The following DACH1 variants were observed in gnomAD, a reference collection of about 807,000 sequenced individuals.
DACH1 encodes dachshund family transcription factor 1, also known as dachshund homolog 1.
In DACH1, 12 loss-of-function variants were observed where a neutral mutation model predicts 54.2. The observed-to-expected ratio is 0.22, with a 90% CI of 0.14 to 0.36. The LOEUF (loss-of-function observed/expected upper bound fraction) is 0.36, where lower values mean the gene tolerates loss of function less well. Ranked by LOEUF, DACH1 falls within the 10% of genes least tolerant of loss-of-function variation. The probability of loss-of-function intolerance (pLI) is 1.00; values close to 1 mark genes in which losing one functional copy is unlikely to be tolerated. For synonymous variants in DACH1, 386 were observed against 366.2 expected (o/e 1.05, Z -0.62); for missense variants, 805 against 929.8 (o/e 0.87, Z 1.75).
intron 6 of DACH1, among the ~76,000 whole-genome samples, chr13:71,493,406 C>T (rs1879152692): frequency 6.6e-6 from 1 of 152,070 alleles, no homozygotes; most frequent in East Asian, 1.9e-4. Flanking sequence ...TGATTGCAAT[C>T]CCATGAGACC....
At chr13:71,557,277 G>T in intron 5 of DACH1, 119 bp from the exon 6 acceptor site, 2 of 679,718 alleles carry the variant, frequency 2.9e-6, no homozygotes, top group Non-Finnish European at 4.2e-6. Context: ...TTAATATAAT[G>T]GTCTACCTTT....
At chr13:71,795,424 A>T (rs1461597817) in intron 1 of DACH1, among the ~76,000 whole-genome samples, 1 of 152,006 alleles carries the variant, frequency 6.6e-6, no homozygotes, top group East Asian at 1.9e-4. Context: ...AAACATCATG[A>T]CCTGGTCCAA....
intron 1 of DACH1, among the ~76,000 whole-genome samples, chr13:71,801,305 G>C (rs1453088152): frequency 6.6e-6 from 1 of 152,056 alleles, no homozygotes; most frequent in Non-Finnish European, 1.5e-5. Context: ...TCAGAGTTTA[G>C]TACCTACTAA....
intron 3 of DACH1, among the ~76,000 whole-genome samples, chr13:71,610,152 G>A (rs1875207816): frequency 6.6e-6 from 1 of 151,852 alleles, no homozygotes; most frequent in South Asian, 2.1e-4. Flanking sequence ...GAATTTCCAA[G>A]TGGGAAAGAT....
chr13:71,541,930 T>G (rs967170843), intron 6 of DACH1, among the ~76,000 whole-genome samples: 3 of 145,000 alleles, frequency 2.1e-5, no homozygotes, highest in Non-Finnish European at 3.0e-5. Context: ...GCCCAGTTTT[T>G]TTTTTTTTTT....
At chr13:71,613,609 GAGGAA>G (rs1391334715) in intron 3 of DACH1, among the ~76,000 whole-genome samples, 1 of 152,174 alleles carries the variant, frequency 6.6e-6, no homozygotes, top group Non-Finnish European at 1.5e-5. Context: ...GCAGTGCAAA[GAGGAA>G]TTTGAATCCT....
chr13:71,513,882 C>T (rs1427875161), intron 6 of DACH1, among the ~76,000 whole-genome samples: 2 of 152,078 alleles, frequency 1.3e-5, no homozygotes, highest in African/African-American at 4.8e-5. Flanking sequence ...AGTCCATAGG[C>T]TGCCCAGGCC....
chr13:71,595,395 A>G (rs1874024283), intron 3 of DACH1, among the ~76,000 whole-genome samples: 1 of 152,168 alleles, frequency 6.6e-6, no homozygotes. Flanking sequence ...CTGATTTGAC[A>G]TTTGTATTTA....
chr13:71,661,723 C>T (rs1879501546), intron 2 of DACH1, among the ~76,000 whole-genome samples: 3 of 151,984 alleles, frequency 2.0e-5, no homozygotes, highest in Admixed American at 2.0e-4. Flanking sequence ...ATAACATTAT[C>T]CTAAATGTAA....
intron 3 of DACH1, among the ~76,000 whole-genome samples, chr13:71,615,782 G>A (rs765891720): frequency 6.6e-6 from 1 of 152,064 alleles, no homozygotes; most frequent in African/African-American, 2.4e-5. Flanking sequence ...TGAGACTCTG[G>A]GAATACTGGA....
intron 1 of DACH1, among the ~76,000 whole-genome samples, chr13:71,825,048 T>C (rs1305339918): frequency 6.6e-6 from 1 of 152,036 alleles, no homozygotes; most frequent in Non-Finnish European, 1.5e-5. Context: ...ACTTGGAAGG[T>C]AAGAGAGCTA....
intron 6 of DACH1, among the ~76,000 whole-genome samples, chr13:71,527,386 T>A (rs192663535): frequency 2.6e-5 from 4 of 152,268 alleles, no homozygotes; most frequent in Admixed American, 1.3e-4. Flanking sequence ...GTCATTTCCT[T>A]CTTTGCGTTG....
At chr13:71,696,068 T>C (rs1881816102) in intron 1 of DACH1, among the ~76,000 whole-genome samples, 3 of 152,200 alleles carry the variant, frequency 2.0e-5, no homozygotes, top group East Asian at 1.9e-4. Flanking sequence ...CAATGAGATC[T>C]AGGGAGGGGC....
chr13:71,720,174 T>C (rs1488673333), intron 1 of DACH1, among the ~76,000 whole-genome samples: 1 of 152,132 alleles, frequency 6.6e-6, no homozygotes, highest in Non-Finnish European at 1.5e-5. Flanking sequence ...GCAAATGGAC[T>C]AGTGAGTGCA....
intron 1 of DACH1, among the ~76,000 whole-genome samples, chr13:71,814,604 C>T (rs1887838830): frequency 6.6e-6 from 1 of 152,080 alleles, no homozygotes; most frequent in Non-Finnish European, 1.5e-5. Flanking sequence ...TAAATCAATG[C>T]AATTAAGAAT....
At chr13:71,730,273 G>A (rs1308936618) in intron 1 of DACH1, among the ~76,000 whole-genome samples, 1 of 152,032 alleles carries the variant, frequency 6.6e-6, no homozygotes, top group Non-Finnish European at 1.5e-5. Flanking sequence ...AAGAAAGGCA[G>A]AAGTCATTAC....
chr13:71,523,309 T>C (rs965880457), intron 6 of DACH1, among the ~76,000 whole-genome samples: 4 of 152,288 alleles, frequency 2.6e-5, no homozygotes, highest in Admixed American at 6.5e-5. Flanking sequence ...CAGCTACAAC[T>C]GAAGTCCTTG....
intron 6 of DACH1, among the ~76,000 whole-genome samples, chr13:71,535,588 G>GCGCATTT (rs976158195): frequency 1.3e-5 from 2 of 151,684 alleles, no homozygotes; most frequent in Non-Finnish European, 2.9e-5. Flanking sequence ...ATAAAGTCAG[G>GCGCATTT]CGCATTTTTT....
chr13:71,585,895 T>G (rs1349159608), intron 3 of DACH1, among the ~76,000 whole-genome samples: 3 of 151,924 alleles, frequency 2.0e-5, no homozygotes, highest in Non-Finnish European at 2.9e-5. Flanking sequence ...CACTGGAAAA[T>G]TGATAAAATA....
Sources: allele counts gnomAD v4.1 joint callset (sites outside exome capture counted in the v4.1 genomes callset), GRCh38; gene constraint gnomAD v4.1.1; transcripts MANE v1.5; gene names NCBI Gene and HGNC (gene_info 2026-07-23, HGNC 2026-07-21).